TBX18: variants seen among roughly 807,000 people sequenced by gnomAD.
TBX18 encodes the protein T-box transcription factor TBX18.
In TBX18, 21 loss-of-function variants were observed where a neutral mutation model predicts 55.0. The ratio of observed to expected loss-of-function variants is 0.38; its 90% CI spans 0.27 to 0.55. The LOEUF is 0.55. TBX18 is among the 20% of genes least tolerant of loss of function. TBX18 has a pLI of 0.73. For synonymous variants in TBX18, 342 were observed against 326.1 expected (o/e 1.05, Z -0.53); for missense variants, 840 against 799.6 (o/e 1.05, Z -0.61).
chr6:84,736,896 G>C lies in TBX18; in HGVS notation c.1613C>G (p.Pro538Arg). ...ALYGYNFSTS[P>R]KLAASPEKIV... ...TTTCTCAGGACTGGCAGCCAGTTTG[G>C]GGGATGTGGAGAAGTTATATCCATA... Residue 538 changes from proline (P) to arginine (R), a missense_variant, in exon 8 of 8, where the codon CCC becomes CGC. Pro to Arg is a moderately radical substitution (Grantham distance 103). Transcript: ENST00000369663. The C allele has an allele frequency of 6.2e-7, 1 of 1,613,270 alleles. No homozygotes were observed. The highest frequency in any genetic ancestry group is 1.1e-5 in the South Asian group (1 of 90,818).
intron 4 of TBX18, 120 bp from the exon 5 acceptor site, chr6:84,748,207 G>A (rs934316418): frequency 4.5e-6 from 3 of 671,836 alleles, no homozygotes; most frequent in Non-Finnish European, 6.8e-6. Context: ...GGATGCAGAG[G>A]TGTCAATTTA....
rs1444057914 is a variant in TBX18 at position 84,763,939 on chromosome 6, C to T, written c.243G>A (p.Ala81=). ...CGCCACTCCGAGCCGGCCCAGACGT[C>T]GCCCCAGCCGGCGGCGGGAGCGCAG... is the stretch of plus-strand genomic sequence containing the variant. The part of the protein sequence containing the change: ...EGAALPPPAG[A]TSGPARSGAD... Residue 81 remains alanine (A), a synonymous_variant, in exon 1 of 8, where the codon GCG becomes GCA. Transcript: ENST00000369663. 1.3e-5 allele frequency: 20 copies of T among 1,578,670 alleles called. No individual in the cohort carries two copies. The highest frequency in any genetic ancestry group is 1.3e-5 in the Non-Finnish European group (15 of 1,168,200).
chr6:84,737,738 G>C (rs566405230), intron 7 of TBX18, among the ~76,000 whole-genome samples: 6 of 152,304 alleles, frequency 3.9e-5, no homozygotes, highest in Admixed American at 6.5e-5. Flanking sequence ...ACTGATGTTT[G>C]CAAACTTGAC....
chr6:84,760,217 G>GTT (rs560234572), intron 3 of TBX18, 38 bp downstream of exon 3: 417 of 1,064,484 alleles, frequency 3.9e-4, no homozygotes, highest in South Asian at 1.2e-3. Flanking sequence ...AAATCCTAGT[G>GTT]TTTTTTTTTT....
In TBX18 at chr6:84,735,937, A is replaced by T. The variant is rs1773926739; in HGVS notation, c.*748T>A. The T allele has an allele frequency of 6.6e-6, 1 of 152,142 alleles. No homozygotes were observed. Among genetic ancestry groups the T allele is most frequent in the African/African-American group, 2.4e-5 (1 of 41,440 alleles). The allele number at this position is 152,142 out of a possible 1,614,324, so 9.4% of individuals were successfully genotyped here. ...TTCTTTAATGGTCTATTTGATATATAAAATAAGCAAAAAATCGAAAATACT... is the reference window on the plus strand; with the variant it reads ...TTCTTTAATGGTCTATTTGATATATTAAATAAGCAAAAAATCGAAAATACT... On this transcript the variant is annotated 3_prime_UTR_variant, in exon 8 of 8. Coordinates refer to ENST00000369663, the MANE Select transcript of TBX18 (RefSeq NM_001080508.3).
At chr6:84,762,026 A>C (rs1562267911) in intron 2 of TBX18, among the ~76,000 whole-genome samples, 1 of 152,176 alleles carries the variant, frequency 6.6e-6, no homozygotes, top group Non-Finnish European at 1.5e-5. Context: ...TCTAATATGA[A>C]ATAGCAGGAC....
intron 5 of TBX18, among the ~76,000 whole-genome samples, chr6:84,746,026 T>C (rs1011386717): frequency 1.3e-5 from 2 of 152,174 alleles, no homozygotes; most frequent in Non-Finnish European, 2.9e-5. Context: ...TTAAAAATAG[T>C]AGCCAGGAAA....
Position 84,733,605 on chromosome 6 carries a change from CAGAGTTTAGTT to C in TBX18, c.*3069_*3079del, listed in dbSNP as rs1181234767. 2 of 152,166 alleles carry C rather than the reference CAGAGTTTAGTT, an allele frequency of 1.3e-5. No individual in the cohort carries two copies. Among genetic ancestry groups the C allele is most frequent in the African/African-American group, 4.8e-5 (2 of 41,440 alleles). 9.4% of individuals were successfully genotyped at this position (152,166 alleles called of 1,614,324 possible). A position where few individuals can be genotyped will look rare whatever the true frequency, so the allele number is the denominator to read the frequency against. On this transcript the variant is annotated 3_prime_UTR_variant, in exon 8 of 8. Transcript: ENST00000369663. Reference sequence around the variant, plus strand: ...TGCACCAGGACTTCATGGGACACTGCAGAGTTTAGTTAGGGATCTCTCTTCTTGCACCTTCT... The same window carrying C: ...TGCACCAGGACTTCATGGGACACTGCAGGGATCTCTCTTCTTGCACCTTCT...
intron 1 of TBX18, 127 bp downstream of exon 1, chr6:84,763,763 C>G: frequency 2.1e-6 from 3 of 1,413,412 alleles, no homozygotes; most frequent in Non-Finnish European, 2.8e-6. Flanking sequence ...GCGACTGACA[C>G]GGCCAATGCG....
Position 84,756,781 on chromosome 6 carries a change from C to A in TBX18, c.688G>T (p.Ala230Ser). 1.9e-6 allele frequency: 3 copies of A among 1,614,160 alleles called. No individual in the cohort carries two copies. The highest frequency in any genetic ancestry group is 1.1e-5 in the South Asian group (1 of 91,080). ...TGTCTCATCCAAGTCTCCCCCGAGGCAGGCGAGTCTGGATGAATGTACACA... is the reference window on the plus strand; with the variant it reads ...TGTCTCATCCAAGTCTCCCCCGAGGAAGGCGAGTCTGGATGAATGTACACA... ...PRVYIHPDSPASGETWMRQVI... is the reference protein window; with the variant it reads ...PRVYIHPDSPSSGETWMRQVI... Residue 230 changes from alanine to serine, a missense_variant, in exon 4 of 8, where the codon GCC becomes TCC. Coordinates refer to ENST00000369663, the MANE Select transcript of TBX18 (RefSeq NM_001080508.3).
intron 2 of TBX18, among the ~76,000 whole-genome samples, chr6:84,761,591 C>T (rs1767648698): frequency 6.6e-6 from 1 of 152,094 alleles, no homozygotes; most frequent in South Asian, 2.1e-4. Context: ...TTTATGCTAT[C>T]CAGGTTTTTA....
In TBX18 at chr6:84,762,640, G is replaced by T. The variant is rs758414727; in HGVS notation, c.401C>A (p.Pro134His). ...RSLARPGTPL[P>H]SPQAPRVDLQ... ...ATCCACCCGCGGGGCCTGCGGCGAG[G>T]GCAGAGGGGTCCCGGGCCGGGCCAG... The change falls in exon 2 of 8, where the codon CCC (proline) becomes CAC (histidine). Residue 134 changes from proline (P) to histidine (H), a missense_variant. By Grantham distance (77) the Pro-to-His change is moderately conservative. Transcript: ENST00000369663. 6.2e-7 allele frequency: 1 copy of T among 1,611,844 alleles called. No homozygotes were observed. The highest frequency in any genetic ancestry group is 1.1e-5 in the South Asian group (1 of 90,906).
Position 84,764,019 on chromosome 6 carries a change from A to G in TBX18, c.163T>C (p.Cys55Arg). The change falls in exon 1 of 8, where the codon TGC becomes CGC. Residue 55 changes from cysteine (C) to arginine (R), a missense_variant. By Grantham distance (180) the Cys-to-Arg change is radical (BLOSUM62 -3). Transcript: ENST00000369663. ...EAAGAVDDGG[C>R]SRGGGAGEKG... ...TCGCCCGCGCCGCCGCCGCGGCTGC[A>G]GCCTCCGTCGTCCACGGCCCCCGCC... 6.4e-7 allele frequency: 1 copy of G among 1,555,978 alleles called. No individual in the cohort carries two copies. The highest frequency in any genetic ancestry group is 1.4e-5 in the African/African-American group (1 of 73,542).
At position 84,747,906 on chromosome 6, in the gene TBX18, T is replaced by G; in HGVS notation, c.939+14A>C. ...ATGAAAAATCTACAAAGATTCCAAT[T>G]CTGAGAACAATACCTGCTGATTCTG... On this transcript the variant is annotated intron_variant, in intron 5 of 7. Coordinates refer to ENST00000369663, the MANE Select transcript of TBX18 (RefSeq NM_001080508.3). The G allele has an allele frequency of 3.1e-6, 5 of 1,601,428 alleles. No homozygotes were observed. Among genetic ancestry groups the G allele is most frequent in the Non-Finnish European group, 4.3e-6 (5 of 1,171,992 alleles).
chr6:84,749,237 T>C (rs1251386470), intron 4 of TBX18, among the ~76,000 whole-genome samples: 1 of 152,218 alleles, frequency 6.6e-6, no homozygotes, highest in Non-Finnish European at 1.5e-5. Context: ...AACCTGTATC[T>C]TTCCTGAGCT....
Position 84,763,969 on chromosome 6 carries a change from T to C in TBX18, c.213A>G (p.Glu71=). The change falls in exon 1 of 8, where the codon GAA becomes GAG. Residue 71 remains glutamate (E), a synonymous_variant. Coordinates refer to ENST00000369663, the MANE Select transcript of TBX18 (RefSeq NM_001080508.3). ...AGEKGSSEGD[E]GAALPPPAGA... ...CAGCCGGCGGCGGGAGCGCAGCGCC[T>C]TCGTCTCCCTCAGAAGAACCCTTTT... 6.3e-7 allele frequency: 1 copy of C among 1,580,634 alleles called. No homozygotes were observed. Among genetic ancestry groups the C allele is most frequent in the Non-Finnish European group, 8.6e-7 (1 of 1,169,270 alleles).
chr6:84,744,911 T>C (rs1458207219), intron 5 of TBX18, among the ~76,000 whole-genome samples: 1 of 152,162 alleles, frequency 6.6e-6, no homozygotes, highest in Non-Finnish European at 1.5e-5. Flanking sequence ...CTTTTATCTG[T>C]GGAGTCCTAA....
In TBX18 at chr6:84,733,311, G is replaced by A. The variant is rs1269529010; in HGVS notation, c.*3374C>T. 1 of 152,084 alleles carries A rather than the reference G, an allele frequency of 6.6e-6. No individual in the cohort carries two copies. The highest frequency in any genetic ancestry group is 2.4e-5 in the African/African-American group (1 of 41,394). 9.4% of individuals were successfully genotyped at this position (152,084 alleles called of 1,614,324 possible). A position where few individuals can be genotyped will look rare whatever the true frequency, so the allele number is the denominator to read the frequency against. On this transcript the variant is annotated 3_prime_UTR_variant, in exon 8 of 8. Coordinates refer to ENST00000369663, the MANE Select transcript of TBX18 (RefSeq NM_001080508.3). ...ATTTAACCTTACTCTCAACTTATCTGAGCATTTCTTTTTAGAAAGGATGAA... is the reference window on the plus strand; with the variant it reads ...ATTTAACCTTACTCTCAACTTATCTAAGCATTTCTTTTTAGAAAGGATGAA...
chr6:84,751,140 TAAAC>T (rs1767337274), intron 4 of TBX18, among the ~76,000 whole-genome samples: 1 of 152,296 alleles, frequency 6.6e-6, no homozygotes, highest in East Asian at 1.9e-4. Context: ...TACTTTACAT[TAAAC>T]AAACAAAAAT....
Sources: allele counts gnomAD v4.1 joint callset (sites outside exome capture counted in the v4.1 genomes callset), GRCh38; gene constraint gnomAD v4.1.1; transcripts MANE v1.5; gene names NCBI Gene and HGNC (gene_info 2026-07-23, HGNC 2026-07-21).